PIKFYVE: variants seen among roughly 807,000 people sequenced by gnomAD.
PIKFYVE encodes phosphoinositide kinase, FYVE-type zinc finger containing.
In PIKFYVE, 122 loss-of-function variants were observed where a neutral mutation model predicts 257.9. The ratio of observed to expected loss-of-function variants is 0.47; its 90% confidence interval spans 0.41 to 0.55. The LOEUF (loss-of-function observed/expected upper bound fraction) is 0.55, where lower values mean the gene tolerates loss of function less well. Among genes scored for constraint, PIKFYVE ranks in the 20% least tolerant of loss-of-function variants. The pLI, the probability that PIKFYVE is intolerant of heterozygous loss-of-function variation, is 0.00. For synonymous variants in PIKFYVE, 892 were observed against 868.9 expected, an observed-to-expected ratio of 1.03 and a Z score of -0.47; for missense variants, 2,160 against 2,536.6, an observed-to-expected ratio of 0.85 and a Z score of 3.19.
At chr2:208,337,791 G>A (rs1341010219) in intron 28 of PIKFYVE, among the ~76,000 whole-genome samples, 3 of 151,916 alleles carry the variant, frequency 2.0e-5, no homozygotes, top group African/African-American at 7.3e-5. Context: ...GTGCGATCGC[G>A]GCTCACTGCA....
At chr2:208,338,430 A>T in intron 28 of PIKFYVE, 78 bp from the exon 29 acceptor site, 1 of 1,373,012 alleles carries the variant, frequency 7.3e-7, no homozygotes, top group Non-Finnish European at 1.0e-6. Context: ...CAAAAAGTTT[A>T]AGATTCACTG....
intron 28 of PIKFYVE, among the ~76,000 whole-genome samples, chr2:208,338,104 A>G (rs1244080543): frequency 6.6e-6 from 1 of 152,166 alleles, no homozygotes; most frequent in Non-Finnish European, 1.5e-5. Context: ...GTGTATCTCA[A>G]CAGATTACAT....
At chr2:208,303,875 A>G (rs1183215108) in intron 10 of PIKFYVE, among the ~76,000 whole-genome samples, 6 of 152,238 alleles carry the variant, frequency 3.9e-5, no homozygotes, top group South Asian at 2.1e-4. Flanking sequence ...ATTCTAAGCT[A>G]TCTTCACTCT....
chr2:208,341,618 G>C (rs1698709833), intron 31 of PIKFYVE, among the ~76,000 whole-genome samples: 1 of 152,050 alleles, frequency 6.6e-6, no homozygotes. Flanking sequence ...TTCTGGCAAG[G>C]GTCCTCTTTT....
rs747622530 is a variant in PIKFYVE, at chr2:208,325,985, A to G, written c.3174A>G (p.Pro1058=). 5 of 1,613,964 alleles carry G rather than the reference A, an allele frequency of 3.1e-6. No individual in the cohort carries two copies. The highest frequency in any genetic ancestry group is 1.1e-5 in the South Asian group (1 of 91,086). The stretch of plus-strand genomic sequence containing the variant: ...AAGATGTGATCCTCTGTATCTCCCC[A>G]GTAATCACATTCCGAGAACCCTTTC... ...ELKDVILCIS[P]VITFREPFLL... Residue 1058 remains proline (P), a synonymous_variant, in exon 20 of 42, where the codon CCA becomes CCG. Coordinates refer to ENST00000264380, the MANE Select transcript of PIKFYVE (RefSeq NM_015040.4).
chr2:208,303,256 T>A (rs1693929549), intron 10 of PIKFYVE, among the ~76,000 whole-genome samples: 1 of 140,642 alleles, frequency 7.1e-6, no homozygotes. Flanking sequence ...CACACATATA[T>A]AAACATATAT....
rs977206042 is a variant in PIKFYVE at position 208,325,432 on chromosome 2, T to G, written c.2621T>G (p.Met874Arg). The stretch of plus-strand genomic sequence containing the variant: ...TCTCAACTAGAAATATCCTTTCTCA[T>G]GGATGAATTTGCTATGCCTCCCACA... ...YHSQLEISFL[M>R]DEFAMPPTLM... is the part of the protein sequence containing the mutation. Residue 874 changes from methionine to arginine, a missense_variant, in exon 20 of 42, where the codon ATG becomes AGG. This residue lies in a region of PIKFYVE where 522 missense variants were observed against 514.6 expected (regional missense o/e 1.01). Coordinates refer to ENST00000264380, the MANE Select transcript of PIKFYVE (RefSeq NM_015040.4). 1 of 1,614,062 alleles carries G rather than the reference T, an allele frequency of 6.2e-7. No individual in the cohort carries two copies. The highest frequency in any genetic ancestry group is 8.5e-7 in the Non-Finnish European group (1 of 1,180,032).
chr2:208,301,459 C>G (rs865852164), intron 9 of PIKFYVE, among the ~76,000 whole-genome samples: 18 of 152,140 alleles, frequency 1.2e-4, no homozygotes, highest in Admixed American at 4.6e-4. Context: ...ATAAGCTATG[C>G]CTGTCGGGTC....
At chr2:208,303,155 A>G (rs758223917) in intron 10 of PIKFYVE, among the ~76,000 whole-genome samples, 3 of 152,152 alleles carry the variant, frequency 2.0e-5, no homozygotes, top group Non-Finnish European at 4.4e-5. Flanking sequence ...GGAAGTGGAA[A>G]TTATTTGAAG....
chr2:208,287,075 C>T (rs1445869636), intron 6 of PIKFYVE, among the ~76,000 whole-genome samples: 1 of 137,886 alleles, frequency 7.3e-6, no homozygotes, highest in African/African-American at 2.7e-5. Context: ...ATCATGTCAC[C>T]GGGAAAATTT....
chr2:208,269,327 G>T, intron 1 of PIKFYVE: 1 of 155,862 alleles, frequency 6.4e-6, no homozygotes, highest in Non-Finnish European at 1.4e-5. Context: ...GGGCCCTAGG[G>T]ATCTACAGAG....
chr2:208,351,803 A>C (rs1300475351), intron 38 of PIKFYVE, among the ~76,000 whole-genome samples: 1 of 152,218 alleles, frequency 6.6e-6, no homozygotes, highest in Non-Finnish European at 1.5e-5. Flanking sequence ...TCAGAGCAAG[A>C]ACTTATTACT....
chr2:208,301,077 T>C lies in PIKFYVE; in HGVS notation c.1191T>C (p.Asn397=). 6.2e-7 allele frequency: 1 copy of C among 1,614,174 alleles called. No individual in the cohort carries two copies. The highest frequency in any genetic ancestry group is 2.2e-5 in the East Asian group (1 of 44,866). ...GKELVNWLIR[N]GHIATRAQAI... Reference sequence around the variant, plus strand: ...AATTAGTCAACTGGCTAATCCGAAATGGGCATATTGCCACAAGGTATTCTG... The same window carrying C: ...AATTAGTCAACTGGCTAATCCGAAACGGGCATATTGCCACAAGGTATTCTG... The change falls in exon 9 of 42, where the codon AAT becomes AAC. Residue 397 remains asparagine (N), a synonymous_variant. Coordinates refer to ENST00000264380, the MANE Select transcript of PIKFYVE (RefSeq NM_015040.4).
At chr2:208,354,206 T>G (rs751510146) in intron 40 of PIKFYVE, 47 bp downstream of exon 40, 49 of 1,587,590 alleles carry the variant, frequency 3.1e-5, no homozygotes, top group Non-Finnish European at 4.2e-5. Context: ...GAAGTCAGAG[T>G]CAAATTTTAA....
chr2:208,333,923 G>A (rs955984972), intron 24 of PIKFYVE, among the ~76,000 whole-genome samples: 1 of 152,200 alleles, frequency 6.6e-6, no homozygotes, highest in African/African-American at 2.4e-5. Flanking sequence ...GATTAGAAGT[G>A]TGAGCCATCA....
intron 5 of PIKFYVE, among the ~76,000 whole-genome samples, chr2:208,284,771 A>G (rs188334558): frequency 6.6e-6 from 1 of 152,252 alleles, no homozygotes; most frequent in East Asian, 1.9e-4. Context: ...TTATTCTATT[A>G]AAAAATGTTA....
At chr2:208,277,888 G>C (rs1455038200) in intron 5 of PIKFYVE, among the ~76,000 whole-genome samples, 180 bp downstream of exon 5, 2 of 152,084 alleles carry the variant, frequency 1.3e-5, no homozygotes, top group East Asian at 3.9e-4. Context: ...ACAGTAGATG[G>C]GACTTATCAT....
chr2:208,350,632 A>G, intron 36 of PIKFYVE, 139 bp from the exon 37 acceptor site: 1 of 850,228 alleles, frequency 1.2e-6, no homozygotes, highest in African/African-American at 1.7e-5. Flanking sequence ...ATAAATAGGG[A>G]TTTGGATCTA....
chr2:208,324,943 A>G lies in PIKFYVE; in HGVS notation c.2364A>G (p.Gln788=), dbSNP rs745590610. The part of the protein sequence containing the change: ...QVLERISRMT[Q]GDLVMSMDQL... ...TGGAACGAATCAGTCGAATGACCCAAGGTGATTTAGTGATGTCAATGGACC... is the reference window on the plus strand; with the variant it reads ...TGGAACGAATCAGTCGAATGACCCAGGGTGATTTAGTGATGTCAATGGACC... Residue 788 remains glutamine, a synonymous_variant, in exon 19 of 42, where the codon CAA becomes CAG. Coordinates refer to ENST00000264380, the MANE Select transcript of PIKFYVE (RefSeq NM_015040.4). 3.7e-6 allele frequency: 6 copies of G among 1,613,938 alleles called. No individual in the cohort carries two copies. In the African/African-American group the frequency reaches 6.7e-5, roughly 18 times the overall value.
Sources: allele counts gnomAD v4.1 joint callset (sites outside exome capture counted in the v4.1 genomes callset), GRCh38; gene constraint gnomAD v4.1.1; regional missense constraint gnomAD v4.1.1; transcripts MANE v1.5; gene names NCBI Gene and HGNC (gene_info 2026-07-23, HGNC 2026-07-21).